Variants in ITGA9 observed in about 807,000 individuals in gnomAD.
ITGA9 encodes integrin alpha-9.
In ITGA9, 56 loss-of-function variants were observed where a neutral mutation model predicts 127.8. The ratio of observed to expected loss-of-function variants is 0.44; its 90% CI spans 0.35 to 0.55. The LOEUF (loss-of-function observed/expected upper bound fraction) is 0.55. Among genes scored for constraint, ITGA9 ranks in the 20% least tolerant of loss-of-function variants. The pLI, the probability that ITGA9 is intolerant of heterozygous loss-of-function variation, is 0.00. For synonymous variants in ITGA9, 508 were observed against 514.5 expected (o/e 0.99, Z 0.17); for missense variants, 1,196 against 1,347.1 (o/e 0.89, Z 1.76).
chr3:37,737,073 A>G, intron 20 of ITGA9, 90 bp downstream of exon 20: 1 of 859,616 alleles, frequency 1.2e-6, no homozygotes. Flanking sequence ...GATGAATCCC[A>G]GGATGCTGAG....
chr3:37,551,539 C>T (rs1344835042), intron 15 of ITGA9, among the ~76,000 whole-genome samples: 1 of 152,156 alleles, frequency 6.6e-6, no homozygotes, highest in Non-Finnish European at 1.5e-5. Context: ...CTTTTCTTAT[C>T]CATTGCTTTA....
intron 24 of ITGA9, among the ~76,000 whole-genome samples, chr3:37,778,136 A>G (rs1341534751): frequency 1.3e-5 from 2 of 152,246 alleles, no homozygotes; most frequent in Non-Finnish European, 2.9e-5. Context: ...CAAAAGCCAC[A>G]TATTGTAATA....
chr3:37,674,970 A>G (rs1700667837), intron 17 of ITGA9, among the ~76,000 whole-genome samples: 1 of 152,184 alleles, frequency 6.6e-6, no homozygotes, highest in Non-Finnish European at 1.5e-5. Context: ...TATTCAGATT[A>G]ACTGATCTGG....
intron 23 of ITGA9, among the ~76,000 whole-genome samples, chr3:37,765,950 T>C (rs956448015): frequency 6.6e-6 from 1 of 152,236 alleles, no homozygotes; most frequent in Non-Finnish European, 1.5e-5. Flanking sequence ...TGCCGATGCG[T>C]AGGTGCCTGG....
intron 11 of ITGA9, among the ~76,000 whole-genome samples, chr3:37,522,737 A>AG (rs1404036996): frequency 1.7e-4 from 26 of 151,852 alleles, no homozygotes; most frequent in Non-Finnish European, 3.5e-4. Flanking sequence ...AAAAAAAAAA[A>AG]AGAGAAAGTT....
At chr3:37,589,512 A>G (rs1699792767) in intron 15 of ITGA9, among the ~76,000 whole-genome samples, 1 of 152,244 alleles carries the variant, frequency 6.6e-6, no homozygotes, top group Non-Finnish European at 1.5e-5. Context: ...GATAAGTGCT[A>G]TGGAAAAAGG....
intron 15 of ITGA9, among the ~76,000 whole-genome samples, chr3:37,551,364 G>T (rs1699376862): frequency 6.6e-6 from 1 of 152,110 alleles, no homozygotes; most frequent in African/African-American, 2.4e-5. Flanking sequence ...TTGCTTGGAG[G>T]GGACTGGGGG....
intron 16 of ITGA9, among the ~76,000 whole-genome samples, chr3:37,633,795 T>G (rs1392604786): frequency 6.6e-6 from 1 of 152,142 alleles, no homozygotes; most frequent in Admixed American, 6.5e-5. Context: ...TATAACTGAC[T>G]GGGACCTGCA....
chr3:37,498,925 G>T (rs1454900400), intron 5 of ITGA9, among the ~76,000 whole-genome samples: 1 of 152,222 alleles, frequency 6.6e-6, no homozygotes, highest in Non-Finnish European at 1.5e-5. Flanking sequence ...CTGCCCTCTT[G>T]CTGACCTCGC....
chr3:37,730,099 G>T lies in ITGA9; in HGVS notation c.2068-2613G>T, dbSNP rs890012215. On this transcript the variant is annotated intron_variant, in intron 18 of 27. Transcript: ENST00000264741. ...CAGTGAGGTATTGGGCATTACAAGA[G>T]AAACTGGAAACAGAGTTAGGTAAGC... Among the ~76,000 whole-genome samples, 7 of 152,206 alleles carry T rather than the reference G, an allele frequency of 4.6e-5. No individual in the cohort carries two copies. The East Asian group carries it at 1.3e-3, about 29-fold the overall frequency.
intron 17 of ITGA9, among the ~76,000 whole-genome samples, chr3:37,673,331 C>T (rs972536159): frequency 6.6e-6 from 1 of 152,168 alleles, no homozygotes; most frequent in East Asian, 1.9e-4. Flanking sequence ...CCATTCCCCA[C>T]CTTTCCCCTG....
chr3:37,591,110 A>C (rs1252808286), intron 15 of ITGA9, among the ~76,000 whole-genome samples: 1 of 152,130 alleles, frequency 6.6e-6, no homozygotes, highest in African/African-American at 2.4e-5. Flanking sequence ...CCTGGGCTCC[A>C]GGGCTCTCGA....
intron 9 of ITGA9, among the ~76,000 whole-genome samples, chr3:37,516,972 C>T (rs538900084): frequency 1.3e-5 from 2 of 152,312 alleles, no homozygotes; most frequent in African/African-American, 4.8e-5. Flanking sequence ...CGTCTGCCAT[C>T]ACAGCCACCC....
chr3:37,638,116 CCTGT>C (rs1700298318), intron 16 of ITGA9, among the ~76,000 whole-genome samples: 1 of 151,998 alleles, frequency 6.6e-6, no homozygotes, highest in African/African-American at 2.4e-5. Flanking sequence ...GAGATAAATT[CCTGT>C]CTATCATGGA....
intron 27 of ITGA9, among the ~76,000 whole-genome samples, chr3:37,805,545 A>G (rs1024483529): frequency 6.6e-6 from 1 of 152,252 alleles, no homozygotes; most frequent in African/African-American, 2.4e-5. Context: ...ACAGTGCCAC[A>G]TTAAATATCC....
At chr3:37,677,608 T>C (rs1271942664) in intron 17 of ITGA9, among the ~76,000 whole-genome samples, 2 of 152,258 alleles carry the variant, frequency 1.3e-5, no homozygotes, top group Non-Finnish European at 2.9e-5. Flanking sequence ...TACTATTTAG[T>C]TGCATTTTTA....
chr3:37,553,406 A>G (rs1435240922), intron 15 of ITGA9, among the ~76,000 whole-genome samples: 2 of 152,226 alleles, frequency 1.3e-5, no homozygotes, highest in East Asian at 3.8e-4. Context: ...TAGTCTGGAA[A>G]AGTCACTCAG....
chr3:37,534,897 T>G (rs1699193717), intron 14 of ITGA9, among the ~76,000 whole-genome samples: 1 of 152,258 alleles, frequency 6.6e-6, no homozygotes, highest in Non-Finnish European at 1.5e-5. Context: ...CATAATTGTT[T>G]AAGATACTAC....
intron 4 of ITGA9, among the ~76,000 whole-genome samples, chr3:37,487,357 AAGG>A (rs1166280728): frequency 6.6e-6 from 1 of 152,198 alleles, no homozygotes; most frequent in African/African-American, 2.4e-5. Context: ...CCATGGCTGT[AAGG>A]AGGAGGCCAG....
Sources: gnomAD v4.1 joint callset for allele counts (sites outside exome capture counted in the v4.1 genomes callset) on GRCh38, gnomAD v4.1.1 for gene constraint, MANE v1.5 for transcripts, NCBI Gene and HGNC (gene_info 2026-07-23, HGNC 2026-07-21) for gene names.